MED26: variants seen among roughly 807,000 people sequenced by gnomAD.
MED26 encodes mediator of RNA polymerase II transcription subunit 26.
Under a neutral mutation model 43.7 loss-of-function variants are expected in MED26, and 7 were observed. That is an observed-to-expected ratio of 0.16 (90% confidence interval 0.09 to 0.30). The LOEUF (loss-of-function observed/expected upper bound fraction) is 0.30, where lower values mean the gene tolerates loss of function less well. Ranked by LOEUF, MED26 falls within the 10% of genes least tolerant of loss-of-function variation. The pLI, the probability that MED26 is intolerant of heterozygous loss-of-function variation, is 1.00. For synonymous variants in MED26, 375 were observed against 371.1 expected (o/e 1.01, Z -0.12); for missense variants, 784 against 840.6 (o/e 0.93, Z 0.83).
At chr19:16,578,682 G>A in intron 1 of MED26, 1 of 427,834 alleles carries the variant, frequency 2.3e-6, no homozygotes, top group Non-Finnish European at 4.2e-6. Context: ...CCCACCTGCT[G>A]AAACCCAGGA....
chr19:16,605,847 A>T (rs1380272295), intron 1 of MED26, among the ~76,000 whole-genome samples: 1 of 152,178 alleles, frequency 6.6e-6, no homozygotes, highest in Non-Finnish European at 1.5e-5. Context: ...TGAACAGCTG[A>T]GGCTGCATGG....
intron 1 of MED26, among the ~76,000 whole-genome samples, chr19:16,596,012 TTC>T (rs2086118588): frequency 6.6e-6 from 1 of 152,194 alleles, no homozygotes; most frequent in South Asian, 2.1e-4. Context: ...CTCAACTTTT[TTC>T]TTTTTGTTTT....
chr19:16,579,506 T>C (rs2086033421), intron 1 of MED26, among the ~76,000 whole-genome samples: 1 of 152,154 alleles, frequency 6.6e-6, no homozygotes, highest in Non-Finnish European at 1.5e-5. Flanking sequence ...AAGTAATCCC[T>C]CCCTTTTAGG....
intron 1 of MED26, chr19:16,589,442 T>C (rs1217819075): frequency 1.3e-5 from 2 of 152,184 alleles, no homozygotes; most frequent in Admixed American, 6.5e-5. Flanking sequence ...CCATTCAATG[T>C]TGGATGAACA....
rs543733615 is a variant in MED26 at position 16,617,455 on chromosome 19, A to G, written c.72+10417T>C. On this transcript the variant is annotated intron_variant, in intron 1 of 2. Coordinates refer to ENST00000263390, the MANE Select transcript of MED26 (RefSeq NM_004831.5). The stretch of plus-strand genomic sequence containing the variant: ...AGAGTGTGTCTCCTGAAGTTTCCGG[A>G]ACTGGAAACTAGAAAGTAACTCCTG... Among the ~76,000 whole-genome samples, 18 of 152,266 alleles carry G rather than the reference A, an allele frequency of 1.2e-4. No homozygotes were observed. The South Asian group carries it at 1.2e-3, about 11-fold the overall frequency.
chr19:16,619,261 G>C (rs992145925), intron 1 of MED26, among the ~76,000 whole-genome samples: 2 of 152,234 alleles, frequency 1.3e-5, no homozygotes, highest in African/African-American at 4.8e-5. Flanking sequence ...CCAGCTTGCT[G>C]ACTGCTTGCC....
chr19:16,590,596 G>A (rs1164010146), intron 1 of MED26, among the ~76,000 whole-genome samples: 3 of 152,154 alleles, frequency 2.0e-5, no homozygotes, highest in Non-Finnish European at 4.4e-5. Flanking sequence ...ATTTTCAAAT[G>A]TTATCTGCCT....
At chr19:16,613,702 T>C (rs2086210008) in intron 1 of MED26, among the ~76,000 whole-genome samples, 2 of 152,188 alleles carry the variant, frequency 1.3e-5, no homozygotes, top group Non-Finnish European at 2.9e-5. Context: ...AATCAGCCCA[T>C]CTATAAAATG....
intron 1 of MED26, among the ~76,000 whole-genome samples, chr19:16,609,375 C>T (rs2086189376): frequency 7.3e-6 from 1 of 137,850 alleles, no homozygotes; most frequent in African/African-American, 2.7e-5. Flanking sequence ...CATGTCAAAA[C>T]CAATCAGAAG....
chr19:16,628,061 C>CG lies in MED26; in HGVS notation c.-119dup. On this transcript the variant is annotated 5_prime_UTR_variant, in exon 1 of 3. Transcript: ENST00000263390. The stretch of plus-strand genomic sequence containing the variant: ...CGGAGCCGCATGTTCCCCGCGGCGC[C>CG]GGGGGGTTGGGGGCGCGCGGGGTGG... 1.8e-6 allele frequency: 1 copy of CG among 555,556 alleles called. No individual in the cohort carries two copies. The highest frequency in any genetic ancestry group is 2.7e-6 in the Non-Finnish European group (1 of 364,904). 34.4% of individuals were successfully genotyped at this position (555,556 alleles called of 1,614,324 possible). A position where few individuals can be genotyped will look rare whatever the true frequency, so the allele number is the denominator to read the frequency against.
intron 1 of MED26, among the ~76,000 whole-genome samples, chr19:16,620,241 C>G (rs976935549): frequency 1.3e-5 from 2 of 152,182 alleles, no homozygotes; most frequent in Middle Eastern, 3.2e-3. Flanking sequence ...CAGCAAGTGC[C>G]CACTGGCCTC....
At chr19:16,583,643 TAGC>T (rs2086056612) in intron 1 of MED26, among the ~76,000 whole-genome samples, 1 of 152,078 alleles carries the variant, frequency 6.6e-6, no homozygotes, top group African/African-American at 2.4e-5. Flanking sequence ...GGCAGGAAGT[TAGC>T]AGGTGGGACC....
At chr19:16,609,548 T>C (rs1044446992) in intron 1 of MED26, among the ~76,000 whole-genome samples, 1 of 152,136 alleles carries the variant, frequency 6.6e-6, no homozygotes, top group Non-Finnish European at 1.5e-5. Context: ...TATTTACATA[T>C]GTATATGTAT....
chr19:16,621,369 G>A (rs1161802544), intron 1 of MED26, among the ~76,000 whole-genome samples: 2 of 152,230 alleles, frequency 1.3e-5, no homozygotes, highest in Admixed American at 6.5e-5. Flanking sequence ...GCGGCTGTTC[G>A]TCTTGCAGCC....
Position 16,576,042 on chromosome 19 carries a change from A to G in MED26, c.1788T>C (p.Tyr596=), listed in dbSNP as rs748214619. 18 of 1,612,984 alleles carry G rather than the reference A, an allele frequency of 1.1e-5. No individual in the cohort carries two copies. Among genetic ancestry groups the G allele is most frequent in the Non-Finnish European group, 1.4e-5 (17 of 1,179,748 alleles). ...GDDGRLNILP[Y]VCLD The stretch of plus-strand genomic sequence containing the variant: ...GACAGGCCGGTCAGTCCAAGCAGAC[A>G]TAAGGCAGAATGTTCAAGCGCCCGT... Residue 596 remains tyrosine, a synonymous_variant, in exon 3 of 3, where the codon TAT becomes TAC. Coordinates refer to ENST00000263390, the MANE Select transcript of MED26 (RefSeq NM_004831.5). This position sits in a 1 kb window ranked among gnomAD's most constrained non-coding sequence, Gnocchi z 6.8.
rs1325571990 is a variant in MED26 at position 16,593,416 on chromosome 19, C to T, written c.73-15007G>A. On this transcript the variant is annotated intron_variant, in intron 1 of 2. Transcript: ENST00000263390. ...TAGCCCTCACTGCCTGCAACACACC[C>T]GCTTTCTCACATGTGGTCCAGCCTC... Among the ~76,000 whole-genome samples, 5 of 152,218 alleles carry T rather than the reference C, an allele frequency of 3.3e-5. No individual in the cohort carries two copies. The South Asian group carries it at 6.2e-4, about 19-fold the overall frequency.
intron 1 of MED26, among the ~76,000 whole-genome samples, chr19:16,593,580 G>C (rs1369802422): frequency 6.6e-6 from 1 of 152,218 alleles, no homozygotes; most frequent in East Asian, 1.9e-4. Flanking sequence ...CTCATCCACG[G>C]TTGCTGGCCA....
rs750444671 is a variant in MED26, at chr19:16,627,866, A to T, written c.72+6T>A. Reference sequence around the variant, plus strand: ...CTCCGTCCCAGCTCGCGCGGCGGGTACTTACGTTGCTCTGGGGGTCGATGG... The same window carrying T: ...CTCCGTCCCAGCTCGCGCGGCGGGTTCTTACGTTGCTCTGGGGGTCGATGG... On this transcript the variant is annotated splice_donor_region_variant and intron_variant, in intron 1 of 2. Transcript: ENST00000263390. The T allele has an allele frequency of 6.7e-6, 10 of 1,489,784 alleles. No homozygotes were observed. The South Asian group carries it at 1.1e-4, about 17-fold the overall frequency. The allele number at this position is 1,489,784 out of a possible 1,614,324, so 92.3% of individuals were successfully genotyped here. A position where few individuals can be genotyped will look rare whatever the true frequency, so the allele number is the denominator to read the frequency against.
intron 1 of MED26, among the ~76,000 whole-genome samples, chr19:16,604,163 C>G (rs969093226): frequency 2.0e-5 from 3 of 152,314 alleles, no homozygotes; most frequent in South Asian, 2.1e-4. Context: ...CATGTGTAAC[C>G]AAGCACAGAA....
Sources: allele counts gnomAD v4.1 joint callset (sites outside exome capture counted in the v4.1 genomes callset), GRCh38; gene constraint gnomAD v4.1.1; non-coding constraint Gnocchi (gnomAD v3.1); transcripts MANE v1.5; gene names NCBI Gene and HGNC (gene_info 2026-07-23, HGNC 2026-07-21).